CCDC102B: variants seen among roughly 807,000 people sequenced by gnomAD.
The protein encoded by CCDC102B is coiled-coil domain containing 102B.
CCDC102B carries 75 observed loss-of-function variants against 57.4 expected under a neutral mutation model. The ratio of observed to expected loss-of-function variants is 1.31; its 90% CI spans 1.08 to 1.58. CCDC102B has a LOEUF of 1.58. Ranked by LOEUF, CCDC102B falls within the 40% of genes most tolerant of loss-of-function variation. CCDC102B has a pLI of 0.00. For synonymous variants in CCDC102B, 206 were observed against 201.9 expected, an observed-to-expected ratio of 1.02 and a Z score of -0.17; for missense variants, 636 against 582.6, an observed-to-expected ratio of 1.09 and a Z score of -0.94.
At chr18:68,820,443 C>A (rs966362997) in intron 1 of CCDC102B, among the ~76,000 whole-genome samples, 16 of 152,082 alleles carry the variant, frequency 1.1e-4, no homozygotes, top group African/African-American at 3.9e-4. Flanking sequence ...CACCAAATTT[C>A]TCTTGCTAAC....
At chr18:69,002,363 T>C (rs1454254975) in intron 6 of CCDC102B, among the ~76,000 whole-genome samples, 1 of 152,180 alleles carries the variant, frequency 6.6e-6, no homozygotes, top group African/African-American at 2.4e-5. Context: ...TGACATCCCT[T>C]CTCATTTATT....
intron 6 of CCDC102B, among the ~76,000 whole-genome samples, chr18:69,007,539 G>A (rs1313709924): frequency 6.6e-6 from 1 of 152,054 alleles, no homozygotes; most frequent in Non-Finnish European, 1.5e-5. Flanking sequence ...TATTAGAATT[G>A]GCTTATACCA....
intron 7 of CCDC102B, among the ~76,000 whole-genome samples, chr18:69,043,514 C>T (rs965915821): frequency 1.3e-5 from 2 of 152,024 alleles, no homozygotes; most frequent in Non-Finnish European, 2.9e-5. Context: ...GCAGAGGTCC[C>T]TGCGGCCTTC....
chr18:68,922,706 T>C (rs1000775884), intron 6 of CCDC102B, among the ~76,000 whole-genome samples: 1 of 152,068 alleles, frequency 6.6e-6, no homozygotes, highest in Admixed American at 6.6e-5. Flanking sequence ...CTCTCCCAGG[T>C]TGCTACTCTG....
intron 6 of CCDC102B, among the ~76,000 whole-genome samples, chr18:68,905,594 AG>A (rs2040600546): frequency 1.4e-3 from 4 of 2,766 alleles, no homozygotes; most frequent in Admixed American, 5.7e-3. Flanking sequence ...CGCCCTGTCT[AG>A]CCCTGTCTAT....
intron 6 of CCDC102B, among the ~76,000 whole-genome samples, chr18:68,898,378 A>G (rs953965616): frequency 3.3e-5 from 5 of 152,118 alleles, no homozygotes; most frequent in Admixed American, 3.3e-4. Context: ...TGCAAATGCA[A>G]GATTAAATTG....
intron 6 of CCDC102B, among the ~76,000 whole-genome samples, chr18:69,009,924 A>ATTT (rs770668683): frequency 0.018 from 618 of 33,502 alleles, 187 homozygotes; most frequent in East Asian, 0.092. Flanking sequence ...TTTAATAAAG[A>ATTT]TTTTTTTTTT....
intron 7 of CCDC102B, among the ~76,000 whole-genome samples, chr18:69,026,706 G>A (rs2052003173): frequency 6.6e-6 from 1 of 152,156 alleles, no homozygotes; most frequent in African/African-American, 2.4e-5. Flanking sequence ...CTGAGAATCA[G>A]TTAAGTTCTC....
intron 6 of CCDC102B, among the ~76,000 whole-genome samples, chr18:68,932,011 T>C (rs1356546129): frequency 1.3e-5 from 2 of 152,004 alleles, no homozygotes; most frequent in African/African-American, 4.8e-5. Context: ...TTGCTAATCT[T>C]ATCTAAACAT....
At chr18:68,985,210 T>C (rs2050691951) in intron 6 of CCDC102B, among the ~76,000 whole-genome samples, 1 of 152,216 alleles carries the variant, frequency 6.6e-6, no homozygotes, top group Non-Finnish European at 1.5e-5. Context: ...TAACAAAATA[T>C]ACAATATGCT....
intron 5 of CCDC102B, among the ~76,000 whole-genome samples, chr18:68,884,583 TACACAC>T (rs35333428): frequency 2.7e-4 from 40 of 147,934 alleles, no homozygotes; most frequent in African/African-American, 7.7e-4. Context: ...ACAATACAAA[TACACAC>T]ACACACACAC....
At chr18:69,038,810 A>G (rs1188541405) in intron 7 of CCDC102B, among the ~76,000 whole-genome samples, 1 of 152,054 alleles carries the variant, frequency 6.6e-6, no homozygotes, top group Non-Finnish European at 1.5e-5. Context: ...CCTAACAAAT[A>G]TGCATTAAAG....
chr18:68,971,275 G>C (rs1236977219), intron 6 of CCDC102B, among the ~76,000 whole-genome samples: 2 of 151,808 alleles, frequency 1.3e-5, no homozygotes, highest in Non-Finnish European at 2.9e-5. Flanking sequence ...CCATCTTACT[G>C]TTGTTTTATG....
chr18:68,782,976 G>A (rs1262341929), intron 2 of CCDC102B, among the ~76,000 whole-genome samples: 1 of 152,044 alleles, frequency 6.6e-6, no homozygotes, highest in Non-Finnish European at 1.5e-5. Context: ...TATTATACCT[G>A]CCATTTACAT....
chr18:68,768,265 T>C (rs1185999113), intron 2 of CCDC102B, among the ~76,000 whole-genome samples: 4 of 152,312 alleles, frequency 2.6e-5, no homozygotes, highest in African/African-American at 7.2e-5. Context: ...TTCACTATCA[T>C]AGGGACAGTA....
At chr18:68,861,229 T>C (rs2144882009) in intron 4 of CCDC102B, among the ~76,000 whole-genome samples, 1 of 152,186 alleles carries the variant, frequency 6.6e-6, no homozygotes, top group African/African-American at 2.4e-5. Context: ...AAGAGGAACA[T>C]TATGGTTTTT....
chr18:68,869,183 G>GT (rs1353285264), intron 4 of CCDC102B, among the ~76,000 whole-genome samples: 2 of 152,174 alleles, frequency 1.3e-5, no homozygotes, highest in African/African-American at 4.8e-5. Context: ...ATTTATGAAT[G>GT]TAGAAAGGAA....
chr18:68,967,281 A>G (rs1050600594), intron 6 of CCDC102B, among the ~76,000 whole-genome samples: 1 of 152,164 alleles, frequency 6.6e-6, no homozygotes, highest in African/African-American at 2.4e-5. Context: ...CTTATAAAGT[A>G]TATTTTGTTA....
rs1173127343 is a variant in CCDC102B, at chr18:68,811,919, G to A, written c.-16+13738G>A. Among the ~76,000 whole-genome samples, 11 of 152,138 alleles carry A rather than the reference G, an allele frequency of 7.2e-5. 1 individual carries two copies. Among genetic ancestry groups the A allele is most frequent in the Admixed American group, 6.5e-4 (10 of 15,286 alleles). ...AGGTAGGATTTAATATGCTGAGAATGTTCACTTAAAGGGGAAAATAACTCA... is the reference window on the plus strand; with the variant it reads ...AGGTAGGATTTAATATGCTGAGAATATTCACTTAAAGGGGAAAATAACTCA... On this transcript the variant is annotated intron_variant, in intron 1 of 7. Transcript: ENST00000360242.
Sources: allele counts gnomAD v4.1 joint callset (sites outside exome capture counted in the v4.1 genomes callset), GRCh38; gene constraint gnomAD v4.1.1; transcripts MANE v1.5; gene names NCBI Gene and HGNC (gene_info 2026-07-23, HGNC 2026-07-21).